CRADD: variants seen among roughly 807,000 people sequenced by gnomAD.
CRADD encodes CARD and death domain containing adaptor protein, also known as death domain-containing protein CRADD.
Under a neutral mutation model 15.5 loss-of-function variants are expected in CRADD, and 9 were observed. That is an observed-to-expected ratio of 0.58 (90% CI 0.35 to 1.01). The LOEUF is 1.01. Ranked by LOEUF, CRADD falls within the 50% of genes least tolerant of loss-of-function variation. CRADD has a pLI of 0.02. For missense variants in CRADD, 227 were observed against 250.3 expected, an observed-to-expected ratio of 0.91 and a Z score of 0.63; for synonymous variants, 118 against 107.6, an observed-to-expected ratio of 1.10 and a Z score of -0.60.
At chr12:93,793,056 G>A (rs1376191748) in intron 2 of CRADD, among the ~76,000 whole-genome samples, 1 of 152,132 alleles carries the variant, frequency 6.6e-6, no homozygotes, top group Non-Finnish European at 1.5e-5. Flanking sequence ...AGTTTAGCCA[G>A]ATAACCCACC....
intron 2 of CRADD, among the ~76,000 whole-genome samples, chr12:93,858,093 G>T (rs1024104150): frequency 6.6e-6 from 1 of 152,144 alleles, no homozygotes; most frequent in East Asian, 1.9e-4. Flanking sequence ...GTTATCTATT[G>T]TCAAGAGCTC....
downstream of CRADD, among the ~76,000 whole-genome samples, chr12:93,852,114 A>G (rs1958229747): frequency 6.6e-6 from 1 of 152,244 alleles, no homozygotes; most frequent in South Asian, 2.1e-4. Context: ...GCCCAGTGAT[A>G]GACTGTACTG....
chr12:93,830,790 T>C (rs1476564628), intron 2 of CRADD, among the ~76,000 whole-genome samples: 2 of 152,194 alleles, frequency 1.3e-5, no homozygotes, highest in Non-Finnish European at 2.9e-5. Flanking sequence ...ATCTCCTTCA[T>C]TGAAATAAGT....
intron 2 of CRADD, among the ~76,000 whole-genome samples, chr12:93,695,781 A>T (rs1355238618): frequency 6.6e-6 from 1 of 152,148 alleles, no homozygotes; most frequent in Non-Finnish European, 1.5e-5. Context: ...CTGTATTCCC[A>T]GCTACTTGGG....
chr12:93,717,947 T>C lies in CRADD; in HGVS notation c.298+38875T>C, dbSNP rs553632928. Among the ~76,000 whole-genome samples the C allele has an allele frequency of 2.0e-4, 30 of 152,304 alleles. No homozygotes were observed. In the East Asian group the frequency reaches 5.2e-3, roughly 26 times the overall value. ...GTTGAACGGACTGTCTTTGCCCCAT[T>C]GTATTGCTTTTGCTCCATTGTCAAA... is the stretch of plus-strand genomic sequence containing the variant. On this transcript the variant is annotated intron_variant, in intron 2 of 2. Coordinates refer to ENST00000332896, the MANE Select transcript of CRADD (RefSeq NM_003805.5).
intron 2 of CRADD, among the ~76,000 whole-genome samples, chr12:93,748,118 G>T (rs989516846): frequency 3.3e-5 from 5 of 152,172 alleles, no homozygotes; most frequent in Non-Finnish European, 7.4e-5. Flanking sequence ...AAGATTCAGT[G>T]CAGTGTTAGG....
chr12:93,830,080 C>T (rs1045966041), intron 2 of CRADD, among the ~76,000 whole-genome samples: 1 of 152,156 alleles, frequency 6.6e-6, no homozygotes, highest in African/African-American at 2.4e-5. Context: ...GGAGAGCCTG[C>T]CACGGGTTCT....
At chr12:93,882,757 G>A (rs1481794728) in intron 2 of CRADD, among the ~76,000 whole-genome samples, 2 of 152,218 alleles carry the variant, frequency 1.3e-5, no homozygotes, top group African/African-American at 2.4e-5. Context: ...TTCAAGGGAA[G>A]GAGAGGAAAT....
At position 93,682,835 on chromosome 12, in the gene CRADD, G is replaced by A. The variant is rs555727977; in HGVS notation, c.298+3763G>A. Among the ~76,000 whole-genome samples, 222 of 152,160 alleles carry A rather than the reference G, an allele frequency of 1.5e-3. 1 individual carries two copies. The highest frequency in any genetic ancestry group is 5.1e-3 in the African/African-American group (213 of 41,500). ...TAGGAAAAAAAAAAAGGTTTAAGTT[G>A]TTAAAGTTGTTAATGGATCATTGGT... On this transcript the variant is annotated intron_variant, in intron 2 of 2. Transcript: ENST00000332896.
At chr12:93,882,498 G>A (rs527976692) in intron 2 of CRADD, among the ~76,000 whole-genome samples, 17 of 149,652 alleles carry the variant, frequency 1.1e-4, no homozygotes, top group South Asian at 2.1e-4. Context: ...CCCCACCCCC[G>A]TGTGTGTGTG....
intron 2 of CRADD, among the ~76,000 whole-genome samples, chr12:93,879,982 T>C (rs1198570928): frequency 1.3e-5 from 2 of 152,208 alleles, no homozygotes; most frequent in Non-Finnish European, 2.9e-5. Context: ...CCAGGAGCTA[T>C]GCAAGGCAGA....
At chr12:93,699,953 G>C (rs1325884965) in intron 2 of CRADD, among the ~76,000 whole-genome samples, 2 of 152,168 alleles carry the variant, frequency 1.3e-5, no homozygotes, top group Non-Finnish European at 2.9e-5. Context: ...TGGAATTTCA[G>C]CAGAGCATGC....
At chr12:93,842,960 A>G (rs967360408) in intron 2 of CRADD, among the ~76,000 whole-genome samples, 2 of 152,188 alleles carry the variant, frequency 1.3e-5, no homozygotes, top group African/African-American at 4.8e-5. Flanking sequence ...ATTGCATGAA[A>G]AATTTAGGAT....
intron 2 of CRADD, among the ~76,000 whole-genome samples, chr12:93,698,034 A>G (rs1955752831): frequency 6.6e-6 from 1 of 152,204 alleles, no homozygotes; most frequent in South Asian, 2.1e-4. Context: ...GGCATTGCAC[A>G]TGAGAGTCAC....
chr12:93,831,198 G>A lies in CRADD; in HGVS notation c.299-18772G>A, dbSNP rs181463229. 6.0e-3 allele frequency: 916 copies of A among 153,712 alleles called. 2 individuals are homozygous for A. Among genetic ancestry groups the A allele is most frequent in the Non-Finnish European group, 9.4e-3 (652 of 69,134 alleles). 9.5% of individuals were successfully genotyped at this position (153,712 alleles called of 1,614,324 possible). ...GCAGATGGGTGTCTGCACTAAGTTC[G>A]GCATCAATATGGTGACCTCCTGGGA... On this transcript the variant is annotated intron_variant, in intron 2 of 2. Coordinates refer to ENST00000332896, the MANE Select transcript of CRADD (RefSeq NM_003805.5).
intron 2 of CRADD, among the ~76,000 whole-genome samples, chr12:93,870,453 A>T (rs1298378000): frequency 6.6e-6 from 1 of 152,086 alleles, no homozygotes; most frequent in Non-Finnish European, 1.5e-5. Context: ...CTACAGTTTT[A>T]CCCTCAGAAG....
At chr12:93,861,444 C>T (rs1450028258) in intron 2 of CRADD, among the ~76,000 whole-genome samples, 35 of 152,238 alleles carry the variant, frequency 2.3e-4, no homozygotes, top group Admixed American at 2.3e-3. Context: ...ATTCCTCCAG[C>T]AGCCAGGAAG....
At chr12:93,830,433 A>G (rs578013242) in intron 2 of CRADD, among the ~76,000 whole-genome samples, 1 of 152,222 alleles carries the variant, frequency 6.6e-6, no homozygotes, top group South Asian at 2.1e-4. Flanking sequence ...GTTTTGTTAA[A>G]CTTTTTTTCA....
chr12:93,832,795 T>C (rs12825691), intron 2 of CRADD, among the ~76,000 whole-genome samples: 47,667 of 152,164 alleles, frequency 0.31, 8,134 homozygotes, highest in East Asian at 0.67. Context: ...ATGCAAAATA[T>C]TATGTTCACA....
Sources: gnomAD v4.1 joint callset for allele counts (sites outside exome capture counted in the v4.1 genomes callset) on GRCh38, gnomAD v4.1.1 for gene constraint, MANE v1.5 for transcripts, NCBI Gene and HGNC (gene_info 2026-07-23, HGNC 2026-07-21) for gene names.